SLC2A13: variants seen among roughly 807,000 people sequenced by gnomAD.
SLC2A13 encodes solute carrier family 2 member 13, also known as proton myo-inositol cotransporter.
In SLC2A13, 32 loss-of-function variants were observed where a neutral mutation model predicts 64.4. The observed-to-expected ratio is 0.50, with a 90% confidence interval of 0.37 to 0.67. The LOEUF is 0.67. Ranked by LOEUF, SLC2A13 falls within the 30% of genes least tolerant of loss-of-function variation. The pLI is 0.00. For missense variants in SLC2A13, 743 were observed against 829.2 expected (o/e 0.90, Z 1.28); for synonymous variants, 338 against 327.1 (o/e 1.03, Z -0.36).
At chr12:40,047,907 TCA>T (rs1401834109) in intron 2 of SLC2A13, 142 bp downstream of exon 2, 25 of 667,240 alleles carry the variant, frequency 3.7e-5, no homozygotes, top group Middle Eastern at 8.0e-4. Flanking sequence ...CTGTCCACTC[TCA>T]GTTTTGCTGA....
intron 6 of SLC2A13, among the ~76,000 whole-genome samples, chr12:39,843,208 C>T (rs1410084139): frequency 6.6e-6 from 1 of 151,948 alleles, no homozygotes; most frequent in East Asian, 1.9e-4. Context: ...CTGACAGACT[C>T]GTTTGTGCAC....
At chr12:40,098,270 G>A (rs956867263) in intron 1 of SLC2A13, among the ~76,000 whole-genome samples, 2 of 152,108 alleles carry the variant, frequency 1.3e-5, no homozygotes, top group South Asian at 2.1e-4. Context: ...TTCCACTTAC[G>A]TGAAGTATCC....
chr12:40,090,753 G>T (rs898188919), intron 1 of SLC2A13, among the ~76,000 whole-genome samples: 27 of 152,018 alleles, frequency 1.8e-4, no homozygotes, highest in African/African-American at 6.3e-4. Context: ...CCTTAATCAG[G>T]TTATAAACCT....
chr12:39,825,997 T>C (rs192195202), intron 7 of SLC2A13, among the ~76,000 whole-genome samples: 2 of 152,138 alleles, frequency 1.3e-5, no homozygotes, highest in Non-Finnish European at 2.9e-5. Flanking sequence ...GTGATAAATA[T>C]CTTTCTGTTG....
chr12:39,838,506 TA>T (rs5797639), intron 6 of SLC2A13, among the ~76,000 whole-genome samples: 2,755 of 142,278 alleles, frequency 0.019, 73 homozygotes, highest in African/African-American at 0.06. Context: ...AAAAATAAAT[TA>T]AAAAAAAAAA....
chr12:39,821,320 G>T lies in SLC2A13; in HGVS notation c.1445+8783C>A, dbSNP rs1040066002. On this transcript the variant is annotated intron_variant, in intron 7 of 9. Coordinates refer to ENST00000280871, the MANE Select transcript of SLC2A13 (RefSeq NM_052885.4). ...AGCTACTCGGGAGGCTGAGGCAGGA[G>T]AATGGCGTGAACCCGGGAGGCGGAG... is the stretch of plus-strand genomic sequence containing the variant. 2.0e-5 allele frequency among the ~76,000 whole-genome samples: 3 copies of T among 152,036 alleles called. No homozygotes were observed. In the East Asian group the frequency reaches 5.8e-4, roughly 29 times the overall value.
intron 6 of SLC2A13, among the ~76,000 whole-genome samples, chr12:39,861,843 A>G (rs1943767893): frequency 2.0e-5 from 3 of 152,170 alleles, no homozygotes; most frequent in Admixed American, 1.3e-4. Flanking sequence ...ACTTTTATCT[A>G]TTAAAAGCAG....
intron 3 of SLC2A13, among the ~76,000 whole-genome samples, chr12:39,999,533 T>TA (rs1947289926): frequency 6.6e-6 from 1 of 152,158 alleles, no homozygotes; most frequent in African/African-American, 2.4e-5. Flanking sequence ...ACCCTCAGGC[T>TA]AATTAGGGTG....
chr12:39,777,819 C>A (rs1362473440), intron 7 of SLC2A13, among the ~76,000 whole-genome samples: 2 of 152,178 alleles, frequency 1.3e-5, no homozygotes, highest in Non-Finnish European at 2.9e-5. Flanking sequence ...GTAAATAAAA[C>A]CTGCTCAATA....
At chr12:39,992,657 C>T (rs1269309530) in intron 3 of SLC2A13, among the ~76,000 whole-genome samples, 2 of 151,988 alleles carry the variant, frequency 1.3e-5, no homozygotes, top group African/African-American at 2.4e-5. Flanking sequence ...AAAAGCTCAA[C>T]AAGCTTGGAG....
intron 4 of SLC2A13, among the ~76,000 whole-genome samples, chr12:39,930,591 T>C (rs529685470): frequency 1.3e-5 from 2 of 152,218 alleles, no homozygotes; most frequent in South Asian, 2.1e-4. Flanking sequence ...AAGAAAAATC[T>C]AAAAGAAGTG....
At position 40,103,015 on chromosome 12, in the gene SLC2A13, T is replaced by G. The variant is rs543207862; in HGVS notation, c.556+2238A>C. Reference sequence around the variant, plus strand: ...GCTTTTACGAAACTGCCTCAGGGCTTCTATTCTGAGAGGTATGTTTCTGGA... The same window carrying G: ...GCTTTTACGAAACTGCCTCAGGGCTGCTATTCTGAGAGGTATGTTTCTGGA... On this transcript the variant is annotated intron_variant, in intron 1 of 9. Coordinates refer to ENST00000280871, the MANE Select transcript of SLC2A13 (RefSeq NM_052885.4). 3.3e-5 allele frequency among the ~76,000 whole-genome samples: 5 copies of G among 152,330 alleles called. No homozygotes were observed. In the South Asian group the frequency reaches 1.0e-3, roughly 32 times the overall value.
At chr12:39,769,853 A>G (rs190520765) in intron 7 of SLC2A13, among the ~76,000 whole-genome samples, 2 of 151,484 alleles carry the variant, frequency 1.3e-5, no homozygotes, top group East Asian at 3.9e-4. Flanking sequence ...TCACAGCCCA[A>G]CTCTCCCACC....
intron 3 of SLC2A13, among the ~76,000 whole-genome samples, chr12:40,001,238 G>A (rs907395895): frequency 2.0e-5 from 3 of 152,150 alleles, no homozygotes; most frequent in Non-Finnish European, 4.4e-5. Flanking sequence ...AATCCAAACT[G>A]GCAGCACATA....
chr12:39,863,790 A>C (rs1943830386), intron 6 of SLC2A13, among the ~76,000 whole-genome samples: 1 of 152,166 alleles, frequency 6.6e-6, no homozygotes, highest in South Asian at 2.1e-4. Flanking sequence ...ATTTGGAACC[A>C]ATATATCTTC....
intron 4 of SLC2A13, among the ~76,000 whole-genome samples, chr12:39,945,629 T>A (rs1171829652): frequency 6.6e-6 from 1 of 152,174 alleles, no homozygotes; most frequent in Non-Finnish European, 1.5e-5. Context: ...TTCTTCTACT[T>A]GTTCAATTCT....
At chr12:39,874,183 T>C (rs1342149704) in intron 4 of SLC2A13, among the ~76,000 whole-genome samples, 1 of 152,168 alleles carries the variant, frequency 6.6e-6, no homozygotes, top group Non-Finnish European at 1.5e-5. Context: ...TGCCTTGTCA[T>C]AGAGGTTTGC....
chr12:39,760,058 G>C lies in SLC2A13; in HGVS notation c.1915C>G (p.Leu639Val). 6.2e-7 allele frequency: 1 copy of C among 1,612,510 alleles called. No homozygotes were observed. Among genetic ancestry groups the C allele is most frequent in the Non-Finnish European group, 8.5e-7 (1 of 1,179,072 alleles). Residue 639 changes from leucine to valine, a missense_variant, in exon 10 of 10, where the codon CTT becomes GTT. By Grantham distance (32) the Leu-to-Val change is conservative. Transcript: ENST00000280871. ...YIRVKGSNYH[L>V]SDNDASDVE ...ACATCAGAAGCATCATTGTCAGAAAGATGATAGTTACTTCCCTTTACCCGA... is the reference window on the plus strand; with the variant it reads ...ACATCAGAAGCATCATTGTCAGAAACATGATAGTTACTTCCCTTTACCCGA...
chr12:39,818,196 C>T (rs1171756826), intron 7 of SLC2A13, among the ~76,000 whole-genome samples: 2 of 152,034 alleles, frequency 1.3e-5, no homozygotes, highest in Non-Finnish European at 2.9e-5. Flanking sequence ...CCACAGAGTT[C>T]CTAAAATCAT....
Sources: gnomAD v4.1 joint callset for allele counts (sites outside exome capture counted in the v4.1 genomes callset) on GRCh38, gnomAD v4.1.1 for gene constraint, MANE v1.5 for transcripts, NCBI Gene and HGNC (gene_info 2026-07-23, HGNC 2026-07-21) for gene names.